NEK10: variants seen among roughly 807,000 people sequenced by gnomAD.
NEK10 encodes serine/threonine-protein kinase Nek10.
A neutral mutation model predicts 159.8 loss-of-function variants in NEK10; 122 were observed. That is an observed-to-expected ratio of 0.76 (90% CI 0.66 to 0.89). The LOEUF is 0.89. Ranked by LOEUF, NEK10 falls within the 40% of genes least tolerant of loss-of-function variation. The probability of loss-of-function intolerance (pLI) is 0.00; values close to 1 mark genes in which losing one functional copy is unlikely to be tolerated. For missense variants in NEK10, 1,342 were observed against 1,323.1 expected, an observed-to-expected ratio of 1.01 and a Z score of -0.22; for synonymous variants, 466 against 457.1, an observed-to-expected ratio of 1.02 and a Z score of -0.25.
intron 23 of NEK10, among the ~76,000 whole-genome samples, chr3:27,232,141 A>G (rs773484829): frequency 2.0e-5 from 3 of 151,956 alleles, no homozygotes; most frequent in Non-Finnish European, 4.4e-5. Context: ...ACACATCGTG[A>G]TATGATCATA....
intron 1 of NEK10, among the ~76,000 whole-genome samples, chr3:27,355,885 C>T (rs1039579610): frequency 3.3e-5 from 5 of 152,132 alleles, no homozygotes; most frequent in African/African-American, 9.7e-5. Flanking sequence ...CATGAACCCA[C>T]GAACATGCCA....
intron 26 of NEK10, among the ~76,000 whole-genome samples, chr3:27,179,197 T>G (rs1222317716): frequency 6.6e-6 from 1 of 152,204 alleles, no homozygotes; most frequent in Non-Finnish European, 1.5e-5. Flanking sequence ...ACTGGTGTTT[T>G]GGGGCCCTAA....
intron 22 of NEK10, among the ~76,000 whole-genome samples, chr3:27,284,387 A>C (rs995737054): frequency 6.6e-6 from 1 of 152,128 alleles, no homozygotes; most frequent in Non-Finnish European, 1.5e-5. Flanking sequence ...CTCTGTCTCG[A>C]AGAAAAAAAA....
chr3:27,364,066 T>C (rs949566571), intron 1 of NEK10, among the ~76,000 whole-genome samples: 1 of 152,124 alleles, frequency 6.6e-6, no homozygotes, highest in African/African-American at 2.4e-5. Context: ...ACTGTTATGA[T>C]AGCTGTTGTA....
chr3:27,349,162 G>A (rs1342713236), intron 3 of NEK10, among the ~76,000 whole-genome samples: 1 of 151,844 alleles, frequency 6.6e-6, no homozygotes, highest in Non-Finnish European at 1.5e-5. Context: ...TGTTGCTGAT[G>A]GAATCAAGTC....
chr3:27,192,514 G>A (rs115141715), intron 25 of NEK10, among the ~76,000 whole-genome samples: 2,008 of 151,902 alleles, frequency 0.013, 42 homozygotes, highest in African/African-American at 0.046. Context: ...TGCTCTTCGG[G>A]TCTCAGGATG....
chr3:27,120,732 C>T (rs575072267), intron 32 of NEK10, among the ~76,000 whole-genome samples: 33 of 152,170 alleles, frequency 2.2e-4, no homozygotes, highest in Admixed American at 3.3e-4. Context: ...TGCCAAATGA[C>T]GGTATTTATT....
rs189074333 is a variant in NEK10 at position 27,350,131 on chromosome 3, C to T, written c.132+2334G>A. ...CAAAAAACAGGCCACAACTTGTTAG[C>T]GCAGAAATGCAGCTGAGTGGGCCTT... On this transcript the variant is annotated intron_variant, in intron 3 of 35. Transcript: ENST00000691995. 2.6e-5 allele frequency among the ~76,000 whole-genome samples: 4 copies of T among 152,264 alleles called. 1 individual carries two copies. Among genetic ancestry groups the T allele is most frequent in the Non-Finnish European group, 5.9e-5 (4 of 68,014 alleles).
At chr3:27,152,307 C>T (rs1944961237) in intron 30 of NEK10, among the ~76,000 whole-genome samples, 1 of 152,158 alleles carries the variant, frequency 6.6e-6, no homozygotes, top group African/African-American at 2.4e-5. Context: ...AGCAGAAACC[C>T]TACAAGCTAG....
rs1339261848 is a variant in NEK10, at chr3:27,291,297, G to T, written c.1570C>A (p.His524Asn). 2.5e-6 allele frequency: 4 copies of T among 1,613,618 alleles called. No individual in the cohort carries two copies. The East Asian group carries it at 6.7e-5, about 27-fold the overall frequency. Residue 524 changes from histidine (H) to asparagine (N), a missense_variant, in exon 18 of 36, where the codon CAT (histidine) becomes AAT (asparagine). Coordinates refer to ENST00000691995, the MANE Select transcript of NEK10 (RefSeq NM_001394966.1). ...CAGCCAAAAGCTCCACTTCCAAGAT[G>T]ATCCAAAATTGCATAGTTGCCTATA... ...KYIGNYAILD[H>N]LGSGAFGCVY...
In NEK10 at chr3:27,119,797, T is replaced by A; in HGVS notation, c.3153A>T (p.Ser1051=). 2 of 1,613,998 alleles carry A rather than the reference T, an allele frequency of 1.2e-6. No homozygotes were observed. ...TTGGGGACAGGCTGTTTCCACCGGA[T>A]GAACGATGTAATAAATGGTAATCTG... ...FTADYHLLHR[S]SGGNSLSPND... The change falls in exon 33 of 36, where the codon TCA becomes TCT. Residue 1051 remains serine (S), a synonymous_variant. Coordinates refer to ENST00000691995, the MANE Select transcript of NEK10 (RefSeq NM_001394966.1).
At chr3:27,318,519 T>A (rs925741011) in intron 6 of NEK10, among the ~76,000 whole-genome samples, 2 of 152,342 alleles carry the variant, frequency 1.3e-5, no homozygotes, top group South Asian at 2.1e-4. Flanking sequence ...AAGTGAGAAA[T>A]TTTTAAAACA....
chr3:27,249,625 GCATTTTTAATAGGCAACAGAT>G (rs568683739), intron 23 of NEK10, among the ~76,000 whole-genome samples: 92 of 152,184 alleles, frequency 6.0e-4, no homozygotes, highest in African/African-American at 2.0e-3. Flanking sequence ...GAGGTGAAAT[GCATTTTTAATAGGCAACAGAT>G]CATTGCGTCT....
At chr3:27,140,132 G>A (rs900746632) in intron 31 of NEK10, among the ~76,000 whole-genome samples, 24 of 152,268 alleles carry the variant, frequency 1.6e-4, no homozygotes, top group African/African-American at 5.5e-4. Context: ...GGTGTTCCTG[G>A]AAAAGAAATA....
chr3:27,229,144 C>T (rs1370281406), intron 23 of NEK10, among the ~76,000 whole-genome samples: 1 of 152,110 alleles, frequency 6.6e-6, no homozygotes, highest in Non-Finnish European at 1.5e-5. Context: ...CAAGATATCC[C>T]TGCCATTCCA....
At chr3:27,168,596 G>C (rs910342363) in intron 29 of NEK10, among the ~76,000 whole-genome samples, 17 of 152,126 alleles carry the variant, frequency 1.1e-4, no homozygotes, top group African/African-American at 3.6e-4. Flanking sequence ...TAAATCAAAG[G>C]CTGTCTTTTA....
chr3:27,313,282 A>T (rs920778490), intron 7 of NEK10, among the ~76,000 whole-genome samples: 2 of 151,646 alleles, frequency 1.3e-5, no homozygotes, highest in Non-Finnish European at 2.9e-5. Flanking sequence ...AAAAAGAAAA[A>T]GAAAGAAAAA....
chr3:27,322,986 G>A (rs1025628432), intron 5 of NEK10, among the ~76,000 whole-genome samples: 1 of 152,154 alleles, frequency 6.6e-6, no homozygotes, highest in African/African-American at 2.4e-5. Flanking sequence ...GTTCTCTGCA[G>A]CCCTGAGGCA....
chr3:27,305,627 AAAAT>A (rs902137108), intron 11 of NEK10, among the ~76,000 whole-genome samples: 4 of 140,608 alleles, frequency 2.8e-5, no homozygotes, highest in African/African-American at 1.1e-4. Context: ...AAAAAAAAAA[AAAAT>A]AATAATAATA....
Sources: allele counts gnomAD v4.1 joint callset (sites outside exome capture counted in the v4.1 genomes callset), GRCh38; gene constraint gnomAD v4.1.1; transcripts MANE v1.5; gene names NCBI Gene and HGNC (gene_info 2026-07-23, HGNC 2026-07-21).